AMMECR1: variants seen among roughly 807,000 people sequenced by gnomAD.
AMMECR1 encodes AMMECR nuclear protein 1.
In AMMECR1, 3 loss-of-function variants were observed where a neutral mutation model predicts 22.5. That is an observed-to-expected ratio of 0.13 (90% CI 0.06 to 0.35). The LOEUF (loss-of-function observed/expected upper bound fraction) is 0.35, where lower values mean the gene tolerates loss of function less well. AMMECR1 is among the 10% of genes least tolerant of loss of function. AMMECR1 has a pLI of 1.00. For synonymous variants in AMMECR1, 130 were observed against 116.7 expected (o/e 1.11, Z -0.74); for missense variants, 235 against 278.7 (o/e 0.84, Z 1.12).
intron 2 of AMMECR1, among the ~76,000 whole-genome samples, chrX:110,239,101 C>T (rs1256834889): frequency 2.7e-5 from 3 of 111,715 alleles, no homozygotes; most frequent in East Asian, 2.8e-4. Context: ...GAAAAAACAG[C>T]GCAAAAAGGC....
At chrX:110,413,098 C>G (rs1237407199) in intron 2 of AMMECR1, among the ~76,000 whole-genome samples, 1 of 111,527 alleles carries the variant, frequency 9.0e-6, no homozygotes, top group Non-Finnish European at 1.9e-5. Flanking sequence ...CCATACCATC[C>G]TCATACTGCT....
At chrX:110,250,201 C>T (rs1160621605) in intron 2 of AMMECR1, among the ~76,000 whole-genome samples, 1 of 111,880 alleles carries the variant, frequency 8.9e-6, no homozygotes, top group Non-Finnish European at 1.9e-5. Context: ...ATTTTTTAAG[C>T]ATCAAGTCAC....
chrX:110,325,972 C>G (rs759861604), intron 2 of AMMECR1, among the ~76,000 whole-genome samples: 22 of 110,566 alleles, frequency 2.0e-4, no homozygotes, highest in African/African-American at 6.9e-4. Flanking sequence ...TCTTTTCTTC[C>G]TTTTTCTTTT....
At chrX:110,262,295 A>G (rs1263787465) in intron 2 of AMMECR1, among the ~76,000 whole-genome samples, 1 of 112,186 alleles carries the variant, frequency 8.9e-6, no homozygotes, top group Non-Finnish European at 1.9e-5. Context: ...GAGAAGTAAA[A>G]CCAGGTATGT....
chrX:110,277,514 A>G (rs755952274), intron 1 of AMMECR1, among the ~76,000 whole-genome samples: 2 of 111,357 alleles, frequency 1.8e-5, no homozygotes, highest in East Asian at 5.6e-4. Context: ...ACATGTATAC[A>G]TATGTAACAA....
At chrX:110,313,770 TCA>T (rs973971764) in intron 1 of AMMECR1, among the ~76,000 whole-genome samples, 7 of 111,324 alleles carry the variant, frequency 6.3e-5, no homozygotes, top group Non-Finnish European at 1.3e-4. Context: ...CCCAAGAACC[TCA>T]GACTCTTATA....
intron 2 of AMMECR1, among the ~76,000 whole-genome samples, chrX:110,239,836 C>T (rs905129969): frequency 1.7e-4 from 19 of 111,883 alleles, no homozygotes; most frequent in Admixed American, 1.7e-3. Flanking sequence ...GGAAGCCCAT[C>T]AGACTAACAG....
rs2067370966 is a variant in AMMECR1 at position 110,196,389 on chromosome X, TTTTTG to T, written c.*2126_*2130del. 1 of 108,208 alleles carries T rather than the reference TTTTTG, an allele frequency of 9.2e-6. No homozygotes were observed. The highest frequency in any genetic ancestry group is 3.6e-5 in the African/African-American group (1 of 28,011). The allele number at this position is 108,208 out of a possible 1,213,427, so 8.9% of individuals were successfully genotyped here. A position where few individuals can be genotyped will look rare whatever the true frequency, so the allele number is the denominator to read the frequency against. ...TTTACCTTTTTTTCCTTTTTTTTGT[TTTTTG>T]TTTTGTTTTTTTTTTGTTTGTTTTT... is the stretch of plus-strand genomic sequence containing the variant. On this transcript the variant is annotated 3_prime_UTR_variant, in exon 6 of 6. Coordinates refer to ENST00000262844, the MANE Select transcript of AMMECR1 (RefSeq NM_015365.3).
chrX:110,317,473 C>T (rs1232141953), intron 1 of AMMECR1, 126 bp downstream of exon 1: 2 of 1,051,100 alleles, frequency 1.9e-6, no homozygotes, highest in African/African-American at 3.8e-5. Flanking sequence ...AGTTGAGTAG[C>T]TCCGGGGACC....
At chrX:110,243,785 C>T (rs1229253859) in intron 2 of AMMECR1, among the ~76,000 whole-genome samples, 3 of 111,210 alleles carry the variant, frequency 2.7e-5, no homozygotes, top group African/African-American at 9.8e-5. Flanking sequence ...GGGTCTTTTC[C>T]AACTATTTTA....
intron 2 of AMMECR1, among the ~76,000 whole-genome samples, chrX:110,328,318 T>C (rs1337824174): frequency 8.9e-6 from 1 of 111,870 alleles, no homozygotes; most frequent in Non-Finnish European, 1.9e-5. Flanking sequence ...TTGTAAAGAT[T>C]AAATAAAAGA....
At chrX:110,220,438 T>C (rs968562129) in intron 2 of AMMECR1, among the ~76,000 whole-genome samples, 2 of 111,591 alleles carry the variant, frequency 1.8e-5, no homozygotes, top group Non-Finnish European at 3.8e-5. Context: ...TTTTAAAATA[T>C]TAATACTGTC....
intron 3 of AMMECR1, among the ~76,000 whole-genome samples, chrX:110,204,224 A>C (rs749559997): frequency 1.2e-4 from 13 of 111,284 alleles, no homozygotes; most frequent in Non-Finnish European, 2.5e-4. Context: ...ATTCCTCATA[A>C]TTTGTTTTTT....
chrX:110,277,455 T>C (rs1228691919), intron 1 of AMMECR1, among the ~76,000 whole-genome samples: 2 of 110,020 alleles, frequency 1.8e-5, no homozygotes, highest in East Asian at 5.7e-4. Flanking sequence ...CATTAGGAGA[T>C]ATACCTAATG....
intron 2 of AMMECR1, among the ~76,000 whole-genome samples, chrX:110,378,546 CCTAT>C (rs1360844901): frequency 3.6e-5 from 4 of 112,096 alleles, no homozygotes; most frequent in Non-Finnish European, 7.5e-5. Flanking sequence ...TATATGTTTG[CCTAT>C]CTTTCTTTTC....
intron 1 of AMMECR1, among the ~76,000 whole-genome samples, chrX:110,292,483 GAATA>G (rs1323837351): frequency 8.9e-6 from 1 of 112,087 alleles, no homozygotes; most frequent in African/African-American, 3.2e-5. Context: ...GTAGGTGAAT[GAATA>G]AACAAACTAT....
chrX:110,271,261 C>T (rs969366517), intron 1 of AMMECR1, among the ~76,000 whole-genome samples: 2 of 112,133 alleles, frequency 1.8e-5, no homozygotes, highest in African/African-American at 3.2e-5. Context: ...TATCTGAAAG[C>T]GGGGATCAGG....
chrX:110,371,008 C>T (rs1301183019), intron 2 of AMMECR1, among the ~76,000 whole-genome samples: 3 of 111,677 alleles, frequency 2.7e-5, no homozygotes, highest in African/African-American at 3.3e-5. Flanking sequence ...CTTAAGATTC[C>T]TTGCTATTAT....
intron 1 of AMMECR1, among the ~76,000 whole-genome samples, chrX:110,269,426 A>T (rs1191004436): frequency 9.0e-6 from 1 of 110,571 alleles, no homozygotes; most frequent in Non-Finnish European, 1.9e-5. Context: ...TTAGAATGAG[A>T]TTTATAGGAG....
Sources: allele counts gnomAD v4.1 joint callset (sites outside exome capture counted in the v4.1 genomes callset), GRCh38; gene constraint gnomAD v4.1.1; transcripts MANE v1.5; gene names NCBI Gene and HGNC (gene_info 2026-07-23, HGNC 2026-07-21).